GINS1: variants seen among roughly 807,000 people sequenced by gnomAD.
GINS1 encodes the protein DNA replication complex GINS protein PSF1.
A neutral mutation model predicts 34.9 loss-of-function variants in GINS1; 26 were observed. The observed-to-expected ratio is 0.74, with a 90% confidence interval of 0.55 to 1.03. The LOEUF is 1.03. GINS1 is among the 50% of genes least tolerant of loss of function. The pLI is 0.00. For synonymous variants in GINS1, 97 were observed against 84.4 expected (o/e 1.15, Z -0.82); for missense variants, 235 against 237.9 (o/e 0.99, Z 0.08).
Position 25,418,173 on chromosome 20 carries a change from G to C in GINS1, c.308G>C (p.Arg103Pro). Residue 103 changes from arginine (R) to proline (P), a missense_variant, in exon 4 of 7, where the codon CGA becomes CCA. By Grantham distance (103) the Arg-to-Pro change is moderately radical. Coordinates refer to ENST00000262460, the MANE Select transcript of GINS1 (RefSeq NM_021067.5). ...GGTAGCGTCTTGCCAAATGCATTAC[G>C]ATTTCACATGGCTGCTGAAGAAGTG... Reference protein sequence around the residue: ...EYGSVLPNALRFHMAAEEMEW... With the variant: ...EYGSVLPNALPFHMAAEEMEW... 3 of 1,585,378 alleles carry C rather than the reference G, an allele frequency of 1.9e-6. No individual in the cohort carries two copies. The highest frequency in any genetic ancestry group is 1.7e-6 in the Non-Finnish European group (2 of 1,153,492).
chr20:25,447,686 GC>G lies in GINS1; in HGVS notation c.*1696del, dbSNP rs1349151044. On this transcript the variant is annotated 3_prime_UTR_variant, in exon 7 of 7. Coordinates refer to ENST00000262460, the MANE Select transcript of GINS1 (RefSeq NM_021067.5). ...GATGGGGTTTCACCGTGTTGGCCAGGCTGTGTTGAACTCCTGAGCTAAAGCA... is the reference window on the plus strand; with the variant it reads ...GATGGGGTTTCACCGTGTTGGCCAGGTGTGTTGAACTCCTGAGCTAAAGCA... 6.6e-6 allele frequency: 1 copy of G among 152,222 alleles called. No individual in the cohort carries two copies. The highest frequency in any genetic ancestry group is 2.4e-5 in the African/African-American group (1 of 41,450). 9.4% of individuals were successfully genotyped at this position (152,222 alleles called of 1,614,324 possible). A position where few individuals can be genotyped will look rare whatever the true frequency, so the allele number is the denominator to read the frequency against.
In GINS1 at chr20:25,428,397, CTTTTTTTTTTTTTT is replaced by C. The variant is rs544831869; in HGVS notation, c.447+3081_447+3094del. ...AAATCTAGCTTTCCAAGCATAATTT[CTTTTTTTTTTTTTT>C]TTTTTTTTTTGAGACAGAGTCTCTG... is the stretch of plus-strand genomic sequence containing the variant. On this transcript the variant is annotated intron_variant, in intron 5 of 6. Transcript: ENST00000262460. Among the ~76,000 whole-genome samples the C allele has an allele frequency of 7.5e-5, 5 of 66,570 alleles. No individual in the cohort carries two copies. In the Admixed American group the frequency reaches 9.5e-4, roughly 13 times the overall value. 43.7% of individuals were successfully genotyped at this position (66,570 alleles called of 152,430 possible).
intron 5 of GINS1, among the ~76,000 whole-genome samples, chr20:25,427,645 T>G (rs761444684): frequency 2.0e-5 from 3 of 152,210 alleles, no homozygotes; most frequent in Non-Finnish European, 4.4e-5. Flanking sequence ...GCCCCCTTTA[T>G]GGGGCCCATT....
chr20:25,428,873 A>G (rs1291919229), intron 5 of GINS1, among the ~76,000 whole-genome samples: 1 of 151,198 alleles, frequency 6.6e-6, no homozygotes, highest in East Asian at 2.0e-4. Context: ...ATATATATAC[A>G]TCTGTCTTTA....
At chr20:25,421,220 C>T (rs181679562) in intron 4 of GINS1, among the ~76,000 whole-genome samples, 131 of 152,152 alleles carry the variant, frequency 8.6e-4, no homozygotes, top group African/African-American at 3.0e-3. Context: ...CATCATGGGG[C>T]AATGAAAAAG....
In GINS1 at chr20:25,410,775, C is replaced by T. The variant is rs2146184545; in HGVS notation, c.75+2880C>T. On this transcript the variant is annotated intron_variant, in intron 1 of 6. Coordinates refer to ENST00000262460, the MANE Select transcript of GINS1 (RefSeq NM_021067.5). ...ATGGGGTTTCACTATTTTGGCCGGG[C>T]TGGTCTCGAACTCCTGACCTCAGGC... Among the ~76,000 whole-genome samples, 2 of 152,102 alleles carry T rather than the reference C, an allele frequency of 1.3e-5. 1 individual carries two copies. The highest frequency in any genetic ancestry group is 4.2e-4 in the South Asian group (2 of 4,816).
intron 6 of GINS1, among the ~76,000 whole-genome samples, chr20:25,442,731 C>G (rs1055651725): frequency 6.6e-6 from 1 of 151,688 alleles, no homozygotes; most frequent in Non-Finnish European, 1.5e-5. Context: ...CTCAGCCTCC[C>G]CAAGTAGCTG....
chr20:25,441,041 T>C (rs1235419385), intron 5 of GINS1, among the ~76,000 whole-genome samples: 7 of 152,086 alleles, frequency 4.6e-5, no homozygotes, highest in Non-Finnish European at 2.9e-5. Flanking sequence ...CTCGTGAGAG[T>C]AAACTTCAGT....
chr20:25,417,701 C>T (rs1252849774), intron 3 of GINS1, among the ~76,000 whole-genome samples: 2 of 152,032 alleles, frequency 1.3e-5, no homozygotes, highest in East Asian at 3.9e-4. Context: ...ACTAAAAATA[C>T]AAAAATTAGC....
intron 3 of GINS1, 63 bp from the exon 4 acceptor site, chr20:25,418,042 A>G: frequency 2.3e-6 from 2 of 886,154 alleles, no homozygotes. Flanking sequence ...CAGGGGCCAA[A>G]TGAAGTCCAC....
chr20:25,419,726 A>G, intron 4 of GINS1: 1 of 319,894 alleles, frequency 3.1e-6, no homozygotes, highest in Non-Finnish European at 5.9e-6. Context: ...ACAGTGGTGC[A>G]TTCTCTGCTC....
At chr20:25,424,425 C>A (rs576896633) in intron 4 of GINS1, among the ~76,000 whole-genome samples, 2 of 152,206 alleles carry the variant, frequency 1.3e-5, no homozygotes, top group South Asian at 4.1e-4. Context: ...TTATTTAGGT[C>A]TTTCATTGTT....
chr20:25,442,370 GTCTA>G (rs944452825), intron 6 of GINS1, among the ~76,000 whole-genome samples: 10 of 131,232 alleles, frequency 7.6e-5, no homozygotes, highest in South Asian at 2.6e-4. Flanking sequence ...CTGTCTGTCT[GTCTA>G]TCTATCTATC....
intron 5 of GINS1, among the ~76,000 whole-genome samples, chr20:25,441,329 C>T (rs758681677): frequency 5.9e-5 from 9 of 152,160 alleles, no homozygotes; most frequent in Non-Finnish European, 1.0e-4. Context: ...TTCTCAGATA[C>T]TGATATTTTA....
At chr20:25,429,034 G>C (rs2090412064) in intron 5 of GINS1, among the ~76,000 whole-genome samples, 1 of 132,816 alleles carries the variant, frequency 7.5e-6, no homozygotes, top group Non-Finnish European at 1.6e-5. Flanking sequence ...TGTCGCCCAG[G>C]CTGGAGTACA....
intron 1 of GINS1, among the ~76,000 whole-genome samples, chr20:25,409,558 G>A (rs1299101545): frequency 1.3e-5 from 2 of 152,212 alleles, no homozygotes; most frequent in Admixed American, 6.5e-5. Flanking sequence ...AGGAGATAGA[G>A]TGTGTTGGGA....
intron 4 of GINS1, among the ~76,000 whole-genome samples, chr20:25,418,973 A>G (rs1327149088): frequency 6.6e-6 from 1 of 152,172 alleles, no homozygotes; most frequent in African/African-American, 2.4e-5. Flanking sequence ...GTTAGCACAG[A>G]CTATGTAGGG....
At chr20:25,416,119 A>T (rs1600921375) in intron 2 of GINS1, among the ~76,000 whole-genome samples, 1 of 152,124 alleles carries the variant, frequency 6.6e-6, no homozygotes, top group Non-Finnish European at 1.5e-5. Flanking sequence ...CTTAAAAGAT[A>T]ATGCTGGTTG....
intron 4 of GINS1, chr20:25,419,657 G>T: frequency 1.4e-6 from 1 of 726,180 alleles, no homozygotes; most frequent in Non-Finnish European, 1.9e-6. Flanking sequence ...CAATATTTTA[G>T]ATTAATTTTT....
Sources: gnomAD v4.1 joint callset for allele counts (sites outside exome capture counted in the v4.1 genomes callset) on GRCh38, gnomAD v4.1.1 for gene constraint, MANE v1.5 for transcripts, NCBI Gene and HGNC (gene_info 2026-07-23, HGNC 2026-07-21) for gene names.